CDH12: variants seen among roughly 807,000 people sequenced by gnomAD.
CDH12 encodes cadherin 12.
In CDH12, 41 loss-of-function variants were observed where a neutral mutation model predicts 74.1. The ratio of observed to expected loss-of-function variants is 0.55; its 90% confidence interval spans 0.43 to 0.72. The LOEUF is 0.72. CDH12 is among the 30% of genes least tolerant of loss of function. The pLI, the probability that CDH12 is intolerant of heterozygous loss-of-function variation, is 0.00. For missense variants in CDH12, 945 were observed against 977.2 expected (o/e 0.97, Z 0.44); for synonymous variants, 399 against 355.0 (o/e 1.12, Z -1.39).
chr5:21,832,349 T>C lies in CDH12; in HGVS notation c.814+9812A>G, dbSNP rs969287857. On this transcript the variant is annotated intron_variant, in intron 8 of 14. Coordinates refer to ENST00000382254, the MANE Select transcript of CDH12 (RefSeq NM_004061.5). ...ATAATAGCCATGACAAATTATGTTT[T>C]AAATTTGCTAATTTTCTTTTTATAT... is the stretch of plus-strand genomic sequence containing the variant. Among the ~76,000 whole-genome samples, 4 of 152,234 alleles carry C rather than the reference T, an allele frequency of 2.6e-5. No individual in the cohort carries two copies. The East Asian group carries it at 5.8e-4, about 22-fold the overall frequency.
At chr5:22,674,396 G>T (rs1741060322) in intron 1 of CDH12, among the ~76,000 whole-genome samples, 2 of 152,188 alleles carry the variant, frequency 1.3e-5, no homozygotes, top group South Asian at 4.1e-4. Flanking sequence ...TTTCTGCCAT[G>T]ATTGTGAGGC....
At chr5:22,776,633 A>T (rs895739229) in intron 1 of CDH12, among the ~76,000 whole-genome samples, 6 of 152,208 alleles carry the variant, frequency 3.9e-5, no homozygotes, top group African/African-American at 1.4e-4. Flanking sequence ...CTAGAAAAAA[A>T]TAGGAATGAT....
At chr5:22,303,811 T>G (rs2150421845) in intron 3 of CDH12, among the ~76,000 whole-genome samples, 1 of 152,296 alleles carries the variant, frequency 6.6e-6, no homozygotes, top group African/African-American at 2.4e-5. Context: ...AGCAGTAGGC[T>G]ACCCTATCAA....
At chr5:22,695,615 T>C (rs1336894068) in intron 1 of CDH12, among the ~76,000 whole-genome samples, 2 of 152,358 alleles carry the variant, frequency 1.3e-5, no homozygotes, top group Non-Finnish European at 2.9e-5. Flanking sequence ...GTTAAATCTT[T>C]ATTATTCTAA....
chr5:21,752,760 A>C (rs1429960858), intron 14 of CDH12, among the ~76,000 whole-genome samples: 3 of 152,006 alleles, frequency 2.0e-5, no homozygotes, highest in Non-Finnish European at 4.4e-5. Flanking sequence ...GAAGGAAGAA[A>C]GGAAAGAAGG....
intron 3 of CDH12, among the ~76,000 whole-genome samples, chr5:22,344,638 A>T (rs1307977422): frequency 6.6e-6 from 1 of 152,202 alleles, no homozygotes; most frequent in Non-Finnish European, 1.5e-5. Context: ...ACTGCTTACT[A>T]GATATGTGGA....
rs1303599182 is a variant in CDH12, at chr5:22,750,687, G to A, written c.-523+102371C>T. 2.6e-5 allele frequency among the ~76,000 whole-genome samples: 4 copies of A among 152,130 alleles called. No homozygotes were observed. In the East Asian group the frequency reaches 7.7e-4, roughly 29 times the overall value. On this transcript the variant is annotated intron_variant, in intron 1 of 14. Coordinates refer to ENST00000382254, the MANE Select transcript of CDH12 (RefSeq NM_004061.5). ...CTACAGTGTTTAGTTTTGGGATACT[G>A]ATGACACAGTTAAATGGAGAATTCA...
At chr5:22,194,568 G>A (rs1750516151) in intron 4 of CDH12, among the ~76,000 whole-genome samples, 1 of 152,022 alleles carries the variant, frequency 6.6e-6, no homozygotes, top group Non-Finnish European at 1.5e-5. Flanking sequence ...TTGATCTCAA[G>A]AGATCCGCCC....
intron 3 of CDH12, among the ~76,000 whole-genome samples, chr5:22,270,213 C>A (rs1736327727): frequency 6.6e-6 from 1 of 152,168 alleles, no homozygotes; most frequent in Admixed American, 6.5e-5. Context: ...AAGTAAATCA[C>A]TTCTCCATTG....
intron 1 of CDH12, among the ~76,000 whole-genome samples, chr5:22,843,966 T>C (rs1468837736): frequency 6.6e-6 from 1 of 152,014 alleles, no homozygotes; most frequent in Non-Finnish European, 1.5e-5. Flanking sequence ...TGCATGTTTT[T>C]GTATTAATGC....
chr5:22,659,294 A>T (rs1740225675), intron 1 of CDH12, among the ~76,000 whole-genome samples: 1 of 152,116 alleles, frequency 6.6e-6, no homozygotes, highest in Non-Finnish European at 1.5e-5. Flanking sequence ...TGCTTAGAGA[A>T]ATTACCTCTA....
intron 3 of CDH12, among the ~76,000 whole-genome samples, chr5:22,261,753 G>A (rs1265035610): frequency 6.7e-6 from 1 of 150,176 alleles, no homozygotes; most frequent in Non-Finnish European, 1.5e-5. Flanking sequence ...TCCCACACGG[G>A]TGTCAAGAGG....
intron 2 of CDH12, among the ~76,000 whole-genome samples, chr5:22,478,417 CAAAAAAA>C (rs34576542): frequency 2.3e-5 from 2 of 88,508 alleles, no homozygotes; most frequent in Non-Finnish European, 4.1e-5. Context: ...GACTCCGTCT[CAAAAAAA>C]AAAAAAAAAA....
At chr5:22,231,155 G>A (rs2150374976) in intron 3 of CDH12, among the ~76,000 whole-genome samples, 1 of 152,172 alleles carries the variant, frequency 6.6e-6, no homozygotes, top group African/African-American at 2.4e-5. Context: ...CTATTTTAAT[G>A]TGTATTTGTG....
At chr5:22,289,203 GACAA>G (rs1359354745) in intron 3 of CDH12, among the ~76,000 whole-genome samples, 1 of 152,188 alleles carries the variant, frequency 6.6e-6, no homozygotes, top group South Asian at 2.1e-4. Context: ...GATGAAAAAT[GACAA>G]ACAAGTCGTA....
chr5:22,848,226 C>G (rs1019534727), intron 1 of CDH12, among the ~76,000 whole-genome samples: 2 of 152,280 alleles, frequency 1.3e-5, no homozygotes, highest in Middle Eastern at 3.4e-3. Flanking sequence ...ACAATGTAAA[C>G]TTACTAATTT....
chr5:22,506,845 C>T (rs1462083612), intron 1 of CDH12, among the ~76,000 whole-genome samples: 2 of 152,070 alleles, frequency 1.3e-5, no homozygotes, highest in African/African-American at 4.8e-5. Flanking sequence ...AACTTCAACT[C>T]CAGCTTCATA....
At chr5:22,648,320 C>A (rs1188025482) in intron 1 of CDH12, among the ~76,000 whole-genome samples, 1 of 151,852 alleles carries the variant, frequency 6.6e-6, no homozygotes, top group Non-Finnish European at 1.5e-5. Context: ...ATCCTCAAGA[C>A]CACAGAACAG....
At chr5:22,607,496 C>T (rs1285635286) in intron 1 of CDH12, among the ~76,000 whole-genome samples, 1 of 152,198 alleles carries the variant, frequency 6.6e-6, no homozygotes, top group Non-Finnish European at 1.5e-5. Flanking sequence ...GCGGAGACCC[C>T]TGATAAATCC....
Sources: gnomAD v4.1 joint callset for allele counts (sites outside exome capture counted in the v4.1 genomes callset) on GRCh38, gnomAD v4.1.1 for gene constraint, MANE v1.5 for transcripts, NCBI Gene and HGNC (gene_info 2026-07-23, HGNC 2026-07-21) for gene names.